Variants in PPP6R3 observed in about 807,000 individuals in gnomAD.
PPP6R3 encodes the protein protein phosphatase 6 regulatory subunit 3.
PPP6R3 carries 38 observed loss-of-function variants against 110.7 expected under a neutral mutation model. The observed-to-expected ratio is 0.34, with a 90% CI of 0.26 to 0.45. PPP6R3 has a LOEUF of 0.45. Ranked by LOEUF, PPP6R3 falls within the 20% of genes least tolerant of loss-of-function variation. PPP6R3 has a pLI of 1.00. For missense variants in PPP6R3, 870 were observed against 1,062.4 expected (o/e 0.82, Z 2.52); for synonymous variants, 369 against 373.5 (o/e 0.99, Z 0.14).
chr11:68,577,012 C>G (rs2099534321), intron 14 of PPP6R3, among the ~76,000 whole-genome samples: 2 of 152,134 alleles, frequency 1.3e-5, no homozygotes, highest in African/African-American at 4.8e-5. Flanking sequence ...GACAGAGTCA[C>G]ACTTTTTAAG....
At chr11:68,609,028 G>C (rs1941939430) in intron 22 of PPP6R3, among the ~76,000 whole-genome samples, 1 of 152,114 alleles carries the variant, frequency 6.6e-6, no homozygotes, top group Non-Finnish European at 1.5e-5. Flanking sequence ...TTTTTCATAA[G>C]CAAAATCCAG....
chr11:68,478,647 G>GTTTTTTTTTTGTTTTTT (rs2098861201), intron 1 of PPP6R3, among the ~76,000 whole-genome samples: 1 of 50,506 alleles, frequency 2.0e-5, no homozygotes, highest in African/African-American at 9.7e-5. Context: ...CACTTGGTAA[G>GTTTTTTTTTTGTTTTTT]TTTTTTTTTT....
chr11:68,519,882 TA>T (rs898008894), intron 2 of PPP6R3, among the ~76,000 whole-genome samples: 1 of 152,084 alleles, frequency 6.6e-6, no homozygotes, highest in Non-Finnish European at 1.5e-5. Flanking sequence ...TCTAAGCTTA[TA>T]GGGGGTTATT....
At chr11:68,566,145 G>A (rs893415353) in intron 9 of PPP6R3, among the ~76,000 whole-genome samples, 4 of 152,268 alleles carry the variant, frequency 2.6e-5, no homozygotes, top group South Asian at 2.1e-4. Flanking sequence ...CAGAGGCAAC[G>A]TCTGAATTTG....
chr11:68,582,644 G>C (rs940452537), intron 14 of PPP6R3, among the ~76,000 whole-genome samples: 1 of 152,260 alleles, frequency 6.6e-6, no homozygotes, highest in Non-Finnish European at 1.5e-5. Flanking sequence ...AATCCCTGGG[G>C]ATTGCAGTTG....
chr11:68,561,293 T>C (rs1417765571), intron 8 of PPP6R3, among the ~76,000 whole-genome samples: 4 of 152,304 alleles, frequency 2.6e-5, no homozygotes, highest in Middle Eastern at 3.4e-3. Flanking sequence ...AGAGATGCAG[T>C]CTCACTATGT....
chr11:68,613,681 G>GT lies in PPP6R3; in HGVS notation c.*569dup. The GT allele has an allele frequency of 1.0e-6, 1 of 984,054 alleles. No homozygotes were observed. The highest frequency in any genetic ancestry group is 1.7e-5 in the African/African-American group (1 of 57,300). 61.0% of individuals were successfully genotyped at this position (984,054 alleles called of 1,614,324 possible). Reference sequence around the variant, plus strand: ...ATATTTGGTGTTCTTTTTATAACCAGTTTTTGATTGGTAATTGTTTTCTGT... The same window carrying GT: ...ATATTTGGTGTTCTTTTTATAACCAGTTTTTTGATTGGTAATTGTTTTCTGT... On this transcript the variant is annotated 3_prime_UTR_variant, in exon 24 of 24. Transcript: ENST00000393800.
At position 68,547,296 on chromosome 11, in the gene PPP6R3, T is replaced by C. The variant is rs535224235; in HGVS notation, c.415-771T>C. 5.3e-5 allele frequency among the ~76,000 whole-genome samples: 8 copies of C among 152,214 alleles called. No homozygotes were observed. In the East Asian group the frequency reaches 7.7e-4, roughly 15 times the overall value. ...GAGAAATTTCAGTGAGATCCTGTTATATAGCAGCTGCGACACTCCCCCTGG... is the reference window on the plus strand; with the variant it reads ...GAGAAATTTCAGTGAGATCCTGTTACATAGCAGCTGCGACACTCCCCCTGG... On this transcript the variant is annotated intron_variant, in intron 4 of 23. Coordinates refer to ENST00000393800, the MANE Select transcript of PPP6R3 (RefSeq NM_001164161.2).
At chr11:68,549,528 T>C (rs2099362637) in intron 5 of PPP6R3, among the ~76,000 whole-genome samples, 1 of 152,100 alleles carries the variant, frequency 6.6e-6, no homozygotes, top group Non-Finnish European at 1.5e-5. Context: ...CTGGGACTTG[T>C]CTGTTGGCAG....
At chr11:68,573,136 A>T (rs1256855140) in intron 12 of PPP6R3, among the ~76,000 whole-genome samples, 1 of 109,536 alleles carries the variant, frequency 9.1e-6, no homozygotes, top group East Asian at 3.2e-4. Flanking sequence ...ATATATATAT[A>T]TATATATATA....
intron 1 of PPP6R3, among the ~76,000 whole-genome samples, chr11:68,508,770 T>TTGACAGGGTTAGGTTGTG (rs11270530): frequency 3.0e-5 from 4 of 132,570 alleles, no homozygotes; most frequent in African/African-American, 5.7e-5. Flanking sequence ...GAGAAATCTT[T>TTGACAGGGTTAGGTTGTG]TGACAGGGTT....
intron 1 of PPP6R3, among the ~76,000 whole-genome samples, chr11:68,490,166 G>A (rs972943091): frequency 6.6e-5 from 10 of 151,988 alleles, no homozygotes; most frequent in African/African-American, 2.4e-4. Context: ...AATTTTGTTT[G>A]TCTCTTTCAC....
At chr11:68,535,698 C>T (rs1209176204) in intron 2 of PPP6R3, among the ~76,000 whole-genome samples, 1 of 151,208 alleles carries the variant, frequency 6.6e-6, no homozygotes, top group Non-Finnish European at 1.5e-5. Context: ...CACGGTAACT[C>T]ATGCCTGTAA....
chr11:68,489,777 A>G (rs773643245), intron 1 of PPP6R3, among the ~76,000 whole-genome samples: 7 of 152,068 alleles, frequency 4.6e-5, no homozygotes, highest in Non-Finnish European at 8.8e-5. Flanking sequence ...GCATATGGGA[A>G]ACCAATATAT....
rs34138925 is a variant in PPP6R3 at position 68,496,482 on chromosome 11, G to GT, written c.-157-23010dup. 4.6e-3 allele frequency among the ~76,000 whole-genome samples: 685 copies of GT among 150,106 alleles called. 3 individuals are homozygous for GT. The highest frequency in any genetic ancestry group is 7.5e-3 in the Non-Finnish European group (506 of 67,360). On this transcript the variant is annotated intron_variant, in intron 1 of 23. Coordinates refer to ENST00000393800, the MANE Select transcript of PPP6R3 (RefSeq NM_001164161.2). ...TGTGCCACTGCGCTTGCCTCATTTG[G>GT]TTTTTTTTTGGAGACAGTCTTACTC...
At chr11:68,578,354 G>A (rs1311643154) in intron 14 of PPP6R3, among the ~76,000 whole-genome samples, 1 of 152,206 alleles carries the variant, frequency 6.6e-6, no homozygotes, top group African/African-American at 2.4e-5. Context: ...TGTTTGAAAT[G>A]TGGTAGTTAC....
At chr11:68,482,580 G>A (rs989932387) in intron 1 of PPP6R3, among the ~76,000 whole-genome samples, 2 of 151,902 alleles carry the variant, frequency 1.3e-5, no homozygotes, top group Non-Finnish European at 2.9e-5. Flanking sequence ...ACTCTGGCTT[G>A]GTTTTGAAGT....
rs148447188 is a variant in PPP6R3 at position 68,610,015 on chromosome 11, C to T, written c.2562C>T (p.Pro854=). 6.6e-4 allele frequency: 1,073 copies of T among 1,613,790 alleles called. 8 individuals are homozygous for T. The African/African-American group carries it at 0.013, about 19-fold the overall frequency. Residue 854 remains proline, a synonymous_variant, in exon 23 of 24, where the codon CCC becomes CCT. Transcript: ENST00000393800. The stretch of plus-strand genomic sequence containing the variant: ...CGCCCAGGCCTCCCAGCAGCAGTCC[C>T]GAGCAGAGGTAACCACCCGCCTCCT... The part of the protein sequence containing the change: ...CAAPRPPSSS[P]EQRTGQPSAP...
At chr11:68,476,654 T>G (rs1403438935) in intron 1 of PPP6R3, among the ~76,000 whole-genome samples, 2 of 152,228 alleles carry the variant, frequency 1.3e-5, no homozygotes, top group African/African-American at 4.8e-5. Flanking sequence ...TCTGAATATA[T>G]TCAGATTTTC....
Sources: allele counts gnomAD v4.1 joint callset (sites outside exome capture counted in the v4.1 genomes callset), GRCh38; gene constraint gnomAD v4.1.1; transcripts MANE v1.5; gene names NCBI Gene and HGNC (gene_info 2026-07-23, HGNC 2026-07-21).